MSTO1: variants seen among roughly 807,000 people sequenced by gnomAD.
The protein encoded by MSTO1 is misato mitochondrial distribution and morphology regulator 1.
MSTO1 carries 24 observed loss-of-function variants against 55.7 expected under a neutral mutation model. The observed-to-expected ratio is 0.43, with a 90% CI of 0.31 to 0.61. MSTO1 has a LOEUF of 0.61. Ranked by LOEUF, MSTO1 falls within the 20% of genes least tolerant of loss-of-function variation. MSTO1 has a pLI of 0.09. For missense variants in MSTO1, 363 were observed against 625.7 expected (o/e 0.58, Z 4.48); for synonymous variants, 162 against 252.8 (o/e 0.64, Z 3.41).
the MSTO1 span, among the ~76,000 whole-genome samples, chr1:155,591,849 G>C: frequency 6.6e-6 from 1 of 151,828 alleles, no homozygotes; most frequent in South Asian, 2.1e-4. Flanking sequence ...AGTACCTGTA[G>C]TTTCAGCTAC....
chr1:155,577,745 T>C, the MSTO1 span, among the ~76,000 whole-genome samples: 1 of 152,140 alleles, frequency 6.6e-6, no homozygotes, highest in Non-Finnish European at 1.5e-5. Context: ...TGAGATCAGC[T>C]TCAAAAGTTT....
chr1:155,595,448 G>A, the MSTO1 span, among the ~76,000 whole-genome samples: 1 of 150,792 alleles, frequency 6.6e-6, no homozygotes, highest in African/African-American at 2.4e-5. Flanking sequence ...AAAGTGCTGG[G>A]ATTACAGGCG....
intron 6 of MSTO1, 61 bp downstream of exon 6, chr1:155,611,888 G>A (rs1337144674): frequency 1.4e-5 from 10 of 710,660 alleles, no homozygotes; most frequent in Middle Eastern, 3.8e-4. Context: ...GCAGGATGAG[G>A]CTCTTGAGGC....
the MSTO1 span, chr1:155,599,043 C>T: frequency 1.9e-6 from 1 of 522,740 alleles, no homozygotes; most frequent in Non-Finnish European, 3.3e-6. Context: ...GTCACGATGG[C>T]TCATGCCTGT....
upstream of MSTO1, among the ~76,000 whole-genome samples, chr1:155,609,243 A>ATATATATATATATATTTT: frequency 1.5e-4 from 8 of 54,564 alleles, no homozygotes; most frequent in East Asian, 1.9e-3. Context: ...ATATATATAT[A>ATATATATATATATATTTT]TTTTTTTTTT....
the MSTO1 span, among the ~76,000 whole-genome samples, chr1:155,594,623 C>T: frequency 6.6e-6 from 1 of 151,748 alleles, no homozygotes; most frequent in African/African-American, 2.4e-5. Context: ...GTGTTTCTCT[C>T]TCTCTTTTTT....
the MSTO1 span, among the ~76,000 whole-genome samples, chr1:155,600,899 A>G: frequency 6.9e-6 from 1 of 144,700 alleles, no homozygotes; most frequent in East Asian, 2.1e-4. Flanking sequence ...TATGGTCTCG[A>G]TCTCCTGATC....
chr1:155,578,833 T>G, the MSTO1 span, among the ~76,000 whole-genome samples: 8 of 148,758 alleles, frequency 5.4e-5, no homozygotes, highest in Non-Finnish European at 8.9e-5. Context: ...TTTTTGTTTT[T>G]TTTTTTTTCA....
At chr1:155,596,910 C>G in the MSTO1 span, among the ~76,000 whole-genome samples, 8 of 152,130 alleles carry the variant, frequency 5.3e-5, no homozygotes, top group African/African-American at 1.7e-4. Context: ...CAAGACCAAC[C>G]TGGGCAACAT....
the MSTO1 span, among the ~76,000 whole-genome samples, chr1:155,584,895 A>G: frequency 1.3e-5 from 2 of 148,854 alleles, no homozygotes; most frequent in Admixed American, 1.4e-4. Flanking sequence ...CATGTGCCAC[A>G]GTGCCAGGTT....
chr1:155,585,423 T>C, the MSTO1 span, among the ~76,000 whole-genome samples: 1 of 150,368 alleles, frequency 6.7e-6, no homozygotes, highest in East Asian at 2.0e-4. Context: ...CTTGGGAGGC[T>C]GAGGCAGGAG....
At position 155,612,232 on chromosome 1, in the gene MSTO1, G is replaced by A. The variant is rs756235713; in HGVS notation, c.729G>A (p.Ala243=). ...DLHDGFSGVG[A]KAAELLQDEY... ...ACGATGGCTTCTCTGGGGTAGGCGC[G>A]AAGGCGGCAGAGCTGCTACAAGATG... is the stretch of plus-strand genomic sequence containing the variant. Residue 243 remains alanine, a synonymous_variant, in exon 8 of 14, where the codon GCG becomes GCA. Transcript: ENST00000245564. The A allele has an allele frequency of 1.5e-5, 24 of 1,603,256 alleles. No homozygotes were observed. Among genetic ancestry groups the A allele is most frequent in the South Asian group, 9.0e-5 (8 of 89,192 alleles).
At chr1:155,582,045 TC>T in the MSTO1 span, among the ~76,000 whole-genome samples, 1 of 150,326 alleles carries the variant, frequency 6.7e-6, no homozygotes, top group African/African-American at 2.4e-5. Flanking sequence ...AACCTCCACC[TC>T]CTGAGTTCAA....
At chr1:155,602,146 A>T in the MSTO1 span, 1 of 709,408 alleles carries the variant, frequency 1.4e-6, no homozygotes, top group Non-Finnish European at 2.7e-6. Context: ...ATCAACCTTT[A>T]GAGGTTTCAA....
chr1:155,569,326 A>G, the MSTO1 span, among the ~76,000 whole-genome samples: 1 of 150,098 alleles, frequency 6.7e-6, no homozygotes, highest in Non-Finnish European at 1.5e-5. Context: ...TAGTGGAGAC[A>G]GGGTTTCACC....
the MSTO1 span, among the ~76,000 whole-genome samples, chr1:155,583,376 T>A: frequency 6.6e-6 from 1 of 151,588 alleles, no homozygotes; most frequent in Non-Finnish European, 1.5e-5. Context: ...CCCATCTCTA[T>A]AAAAATAAAA....
the MSTO1 span, among the ~76,000 whole-genome samples, chr1:155,567,145 A>G: frequency 6.7e-6 from 1 of 150,358 alleles, no homozygotes; most frequent in African/African-American, 2.5e-5. Flanking sequence ...TTTTTTCCCC[A>G]CAGAGTCTTG....
At chr1:155,586,654 C>G in the MSTO1 span, 1 of 508,490 alleles carries the variant, frequency 2.0e-6, no homozygotes, top group Non-Finnish European at 3.9e-6. Flanking sequence ...TTTAAGAGTA[C>G]AAGGACAATG....
the MSTO1 span, chr1:155,586,628 C>T: frequency 6.3e-6 from 3 of 477,266 alleles, no homozygotes. Context: ...TTGTGCTTTA[C>T]CTTTCACTTT....
Sources: allele counts gnomAD v4.1 joint callset (sites outside exome capture counted in the v4.1 genomes callset), GRCh38; gene constraint gnomAD v4.1.1; transcripts MANE v1.5; gene names NCBI Gene and HGNC (gene_info 2026-07-23, HGNC 2026-07-21).